Variants in NECAB2 observed in about 807,000 individuals in gnomAD.
NECAB2 encodes the protein N-terminal EF-hand calcium-binding protein 2.
NECAB2 carries 68 observed loss-of-function variants against 51.9 expected under a neutral mutation model. The observed-to-expected ratio is 1.31, with a 90% CI of 1.08 to 1.60. The LOEUF (loss-of-function observed/expected upper bound fraction) is 1.60, where lower values mean the gene tolerates loss of function less well. Ranked by LOEUF, NECAB2 falls within the 40% of genes most tolerant of loss-of-function variation. NECAB2 has a pLI of 0.00. For missense variants in NECAB2, 854 were observed against 490.3 expected, an observed-to-expected ratio of 1.74 and a Z score of -7.00; for synonymous variants, 329 against 203.5, an observed-to-expected ratio of 1.62 and a Z score of -5.25.
rs148103213 is a variant in NECAB2, at chr16:84,002,364, G to A, written c.*18G>A. 1.5e-5 allele frequency: 24 copies of A among 1,613,310 alleles called. No homozygotes were observed. Among genetic ancestry groups the A allele is most frequent in the African/African-American group, 2.7e-5 (2 of 74,824 alleles). On this transcript the variant is annotated 3_prime_UTR_variant, in exon 13 of 13. Coordinates refer to ENST00000305202, the MANE Select transcript of NECAB2 (RefSeq NM_019065.3). ...GGGACTGACAGCCTCCCAGAGGCCC[G>A]TGGAGGAGCCCACCAGCCCCTTCTT... is the stretch of plus-strand genomic sequence containing the variant.
chr16:84,001,205 G>GAGGGACGGAGATGGGGTAGGGTGTC (rs1567681697), intron 11 of NECAB2, among the ~76,000 whole-genome samples: 1 of 152,128 alleles, frequency 6.6e-6, no homozygotes, highest in African/African-American at 2.4e-5. Flanking sequence ...TGCCCGGTAC[G>GAGGGACGGAGATGGGGTAGGGTGTC]AGGGACGGAG....
intron 5 of NECAB2, among the ~76,000 whole-genome samples, chr16:83,987,211 C>A (rs1157734521): frequency 6.6e-6 from 1 of 152,168 alleles, no homozygotes; most frequent in Non-Finnish European, 1.5e-5. Flanking sequence ...ACCCAAGAGT[C>A]ATTTTTGCCC....
upstream of NECAB2, chr16:83,965,632 C>A (rs955107140): frequency 6.2e-7 from 1 of 1,613,294 alleles, no homozygotes; most frequent in Non-Finnish European, 8.5e-7. Context: ...TGTCGCCCAG[C>A]CCCTATGAGG....
chr16:83,978,683 A>G (rs979838698), intron 3 of NECAB2, 131 bp downstream of exon 3: 10 of 723,084 alleles, frequency 1.4e-5, no homozygotes, highest in Non-Finnish European at 2.3e-5. Context: ...TTGCTAATCC[A>G]GAAGTCAGCT....
chr16:83,978,093 C>T lies in NECAB2; in HGVS notation c.227-351C>T, dbSNP rs146789855. 3.3e-4 allele frequency among the ~76,000 whole-genome samples: 51 copies of T among 152,276 alleles called. No homozygotes were observed. In the East Asian group the frequency reaches 6.2e-3, roughly 18 times the overall value. ...GGGCAGATACTCTATATTTGTTGAA[C>T]GCATGGAAAATGTTGAGTGCATGGT... On this transcript the variant is annotated intron_variant, in intron 2 of 12. Transcript: ENST00000305202.
intron 6 of NECAB2, among the ~76,000 whole-genome samples, chr16:83,991,358 C>G (rs1229455352): frequency 7.5e-6 from 1 of 133,564 alleles, no homozygotes; most frequent in South Asian, 2.2e-4. Context: ...ATTTCCTTTT[C>G]TTTTCTTTTC....
intron 11 of NECAB2, 88 bp from the exon 12 acceptor site, chr16:84,001,737 T>A: frequency 7.1e-7 from 1 of 1,409,854 alleles, no homozygotes; most frequent in Non-Finnish European, 9.9e-7. Flanking sequence ...AAGCTCCCCA[T>A]TTTGGGCTAG....
chr16:83,997,193 C>G (rs72793633), intron 8 of NECAB2, 23 bp from the exon 9 acceptor site: 38,719 of 1,614,020 alleles, frequency 0.024, 533 homozygotes, highest in Non-Finnish European at 0.029. Context: ...GGTCTAGCAT[C>G]ACTGTGTGCT....
intron 5 of NECAB2, among the ~76,000 whole-genome samples, chr16:83,987,240 A>T (rs1327499055): frequency 1.3e-5 from 2 of 152,226 alleles, no homozygotes; most frequent in African/African-American, 4.8e-5. Flanking sequence ...GACTTTGACT[A>T]TTCTTTCTAA....
rs191754515 is a variant in NECAB2 at position 83,983,245 on chromosome 16, G to A, written c.459+2118G>A. On this transcript the variant is annotated intron_variant, in intron 5 of 12. Coordinates refer to ENST00000305202, the MANE Select transcript of NECAB2 (RefSeq NM_019065.3). ...GGTTGTTGTTTTGAATGCTTTTCTT[G>A]TATGTGCTGTTTGCTTTCGTCAAGC... Among the ~76,000 whole-genome samples, 35 of 152,278 alleles carry A rather than the reference G, an allele frequency of 2.3e-4. 1 individual carries two copies. Among genetic ancestry groups the A allele is most frequent in the Admixed American group, 2.0e-3 (31 of 15,290 alleles).
chr16:83,965,871 C>T (rs1252320059), upstream of NECAB2: 2 of 1,612,930 alleles, frequency 1.2e-6, no homozygotes, highest in Non-Finnish European at 1.7e-6. Context: ...GACCCCTTCA[C>T]CTACCAGAGC....
Position 83,982,844 on chromosome 16 carries a change from T to A in NECAB2, c.459+1717T>A, listed in dbSNP as rs374833226. Among the ~76,000 whole-genome samples the A allele has an allele frequency of 1.3e-3, 205 of 152,158 alleles. 3 individuals are homozygous for A. The highest frequency in any genetic ancestry group is 4.6e-3 in the African/African-American group (190 of 41,534). On this transcript the variant is annotated intron_variant, in intron 5 of 12. Coordinates refer to ENST00000305202, the MANE Select transcript of NECAB2 (RefSeq NM_019065.3). The stretch of plus-strand genomic sequence containing the variant: ...GGTTGTTGCATCCGTGATTGGCATT[T>A]CCTTTTTTTTTGTTTTCTTTTTCTT...
chr16:83,966,480 C>T (rs906291274), upstream of NECAB2: 1 of 168,570 alleles, frequency 5.9e-6, no homozygotes, highest in African/African-American at 2.4e-5. Context: ...CCTTGGGGTA[C>T]AAAGGATGGT....
chr16:83,975,514 AC>A (rs572973661), intron 2 of NECAB2, among the ~76,000 whole-genome samples: 4 of 152,072 alleles, frequency 2.6e-5, no homozygotes, highest in Admixed American at 1.3e-4. Flanking sequence ...AACTCAAAGG[AC>A]CCCCCAGGCT....
At chr16:84,000,666 C>T (rs2084811449) in intron 10 of NECAB2, 58 bp from the exon 11 acceptor site, 11 of 1,503,136 alleles carry the variant, frequency 7.3e-6, no homozygotes, top group Admixed American at 3.4e-5. Context: ...AGGGGAACAG[C>T]ACTGAGGTGG....
In NECAB2 at chr16:83,992,345, C is replaced by T. The variant is rs577273427; in HGVS notation, c.596+1715C>T. ...GAGGAGCGACATTCTCGTGGCTCAG[C>T]AGTCCCATCTCCCGGGGAACACGAG... On this transcript the variant is annotated intron_variant, in intron 6 of 12. Coordinates refer to ENST00000305202, the MANE Select transcript of NECAB2 (RefSeq NM_019065.3). Among the ~76,000 whole-genome samples, 8 of 151,592 alleles carry T rather than the reference C, an allele frequency of 5.3e-5. No homozygotes were observed. The South Asian group carries it at 1.7e-3, about 32-fold the overall frequency.
rs113473793 is a variant in NECAB2, at chr16:84,001,212, G to A, written c.1040+411G>A. 2.0e-3 allele frequency among the ~76,000 whole-genome samples: 308 copies of A among 151,918 alleles called. 3 individuals are homozygous for A. The East Asian group carries it at 0.031, about 15-fold the overall frequency. On this transcript the variant is annotated intron_variant, in intron 11 of 12. Coordinates refer to ENST00000305202, the MANE Select transcript of NECAB2 (RefSeq NM_019065.3). ...CAGCTGAGTGCCCGGTACGAGGGAC[G>A]GAGATGGGGTAGGGTGTCAGCAGCT... is the stretch of plus-strand genomic sequence containing the variant.
chr16:83,991,418 G>A (rs8048510), intron 6 of NECAB2, among the ~76,000 whole-genome samples: 2 of 140,040 alleles, frequency 1.4e-5, no homozygotes, highest in African/African-American at 2.8e-5. Flanking sequence ...CCAGGCTGGA[G>A]TGCAGTGGCG....
intron 5 of NECAB2, among the ~76,000 whole-genome samples, chr16:83,986,917 A>G (rs988777228): frequency 1.3e-5 from 2 of 152,114 alleles, no homozygotes; most frequent in African/African-American, 4.8e-5. Flanking sequence ...GGGTTGAAAC[A>G]TTACCTCGTA....
Sources: gnomAD v4.1 joint callset for allele counts (sites outside exome capture counted in the v4.1 genomes callset) on GRCh38, gnomAD v4.1.1 for gene constraint, MANE v1.5 for transcripts, NCBI Gene and HGNC (gene_info 2026-07-23, HGNC 2026-07-21) for gene names.